The following CSMD2 variants were observed in gnomAD, a reference collection of about 807,000 sequenced individuals.
CSMD2 encodes CUB and Sushi multiple domains 2, also known as CUB and sushi domain-containing protein 2.
Under a neutral mutation model 398.5 loss-of-function variants are expected in CSMD2, and 130 were observed. The ratio of observed to expected loss-of-function variants is 0.33; its 90% CI spans 0.28 to 0.38. The LOEUF is 0.38. Among genes scored for constraint, CSMD2 ranks in the 10% least tolerant of loss-of-function variants. The pLI is 1.00. For missense variants in CSMD2, 3,829 were observed against 4,764.9 expected, an observed-to-expected ratio of 0.80 and a Z score of 5.78; for synonymous variants, 1,828 against 1,908.5, an observed-to-expected ratio of 0.96 and a Z score of 1.10.
At chr1:33,523,278 AG>A in intron 67 of CSMD2, 28 bp downstream of exon 67, 1 of 1,036,396 alleles carries the variant, frequency 9.6e-7, no homozygotes, top group Non-Finnish European at 1.5e-6. Flanking sequence ...TCTGGGAGTC[AG>A]GGGAGGAGGT....
At chr1:33,692,624 C>A (rs1645278143) in intron 25 of CSMD2, among the ~76,000 whole-genome samples, 1 of 152,236 alleles carries the variant, frequency 6.6e-6, no homozygotes, top group Admixed American at 6.5e-5. Flanking sequence ...CAAAGTCCTG[C>A]AAACAGTACA....
intron 53 of CSMD2, among the ~76,000 whole-genome samples, chr1:33,560,505 C>T (rs1156833772): frequency 6.6e-6 from 1 of 152,214 alleles, no homozygotes; most frequent in South Asian, 2.1e-4. Context: ...AAGCAAGTTC[C>T]TGCCTCAGGG....
chr1:33,734,847 C>CT (rs1187093281), intron 15 of CSMD2, among the ~76,000 whole-genome samples: 1 of 151,616 alleles, frequency 6.6e-6, no homozygotes, highest in African/African-American at 2.4e-5. Flanking sequence ...GATAATTTAT[C>CT]TTTTTTTGTG....
At chr1:33,657,774 G>A (rs572300406) in intron 27 of CSMD2, among the ~76,000 whole-genome samples, 172 bp downstream of exon 27, 5 of 152,338 alleles carry the variant, frequency 3.3e-5, no homozygotes, top group Admixed American at 2.0e-4. Flanking sequence ...GTGAGTGAGT[G>A]CGTGTGGGGA....
intron 1 of CSMD2, among the ~76,000 whole-genome samples, chr1:34,157,824 T>C (rs757184685): frequency 2.5e-4 from 38 of 152,144 alleles, no homozygotes; most frequent in Admixed American, 1.3e-3. Context: ...AGGCTGTTTC[T>C]CCAATCCCAC....
chr1:33,932,592 T>C (rs2125320262), intron 4 of CSMD2, among the ~76,000 whole-genome samples: 1 of 152,256 alleles, frequency 6.6e-6, no homozygotes. Flanking sequence ...GGCCAGCCCT[T>C]GCTGCCCGCT....
At chr1:34,092,823 G>T (rs1246800646) in intron 1 of CSMD2, among the ~76,000 whole-genome samples, 2 of 152,336 alleles carry the variant, frequency 1.3e-5, no homozygotes, top group African/African-American at 4.8e-5. Flanking sequence ...CAGCAGCGAG[G>T]CTGGGGGAGG....
intron 3 of CSMD2, among the ~76,000 whole-genome samples, chr1:33,940,716 C>T (rs1644640674): frequency 1.3e-5 from 2 of 152,166 alleles, no homozygotes; most frequent in Non-Finnish European, 2.9e-5. Context: ...CATCCAAGCA[C>T]ATAGTGGGTG....
intron 6 of CSMD2, among the ~76,000 whole-genome samples, chr1:33,832,104 G>A (rs1454298035): frequency 8.6e-5 from 11 of 128,130 alleles, no homozygotes; most frequent in Admixed American, 4.1e-4. Flanking sequence ...ACAGATCAAC[G>A]AGACAGAAAG....
intron 1 of CSMD2, among the ~76,000 whole-genome samples, chr1:34,093,271 C>T (rs1459605275): frequency 6.6e-6 from 1 of 152,180 alleles, no homozygotes; most frequent in Non-Finnish European, 1.5e-5. Flanking sequence ...TCGCCATCAT[C>T]AAAGACCAAA....
At chr1:33,888,569 A>G (rs1641753870) in intron 5 of CSMD2, among the ~76,000 whole-genome samples, 1 of 152,238 alleles carries the variant, frequency 6.6e-6, no homozygotes, top group African/African-American at 2.4e-5. Flanking sequence ...AGCTAGATCT[A>G]TAGCTCAAAC....
At chr1:33,916,391 A>G (rs190281924) in intron 5 of CSMD2, among the ~76,000 whole-genome samples, 16 of 152,340 alleles carry the variant, frequency 1.1e-4, no homozygotes, top group Admixed American at 8.5e-4. Context: ...CAGGTATTTT[A>G]CAAAAGAGGC....
chr1:33,605,036 G>A (rs77705294), intron 42 of CSMD2, among the ~76,000 whole-genome samples: 81 of 152,278 alleles, frequency 5.3e-4, no homozygotes, highest in Admixed American at 1.9e-3. Flanking sequence ...GGCTGGGTGT[G>A]TCTTCCTCTT....
chr1:33,973,143 A>C (rs1275843284), intron 3 of CSMD2, among the ~76,000 whole-genome samples: 1 of 152,202 alleles, frequency 6.6e-6, no homozygotes, highest in Admixed American at 6.5e-5. Context: ...TGGCCGTGCC[A>C]GAATCCAGCC....
At chr1:33,969,967 G>A (rs1471273575) in intron 3 of CSMD2, among the ~76,000 whole-genome samples, 5 of 152,036 alleles carry the variant, frequency 3.3e-5, no homozygotes, top group Non-Finnish European at 4.4e-5. Context: ...TCAACCGGGC[G>A]TGGTGGTGCA....
At chr1:33,828,249 G>C (rs1186688428) in intron 6 of CSMD2, among the ~76,000 whole-genome samples, 1 of 152,220 alleles carries the variant, frequency 6.6e-6, no homozygotes, top group African/African-American at 2.4e-5. Flanking sequence ...CATTAGTAGG[G>C]AAACATACAT....
At chr1:33,517,151 T>A (rs1653839203) in intron 70 of CSMD2, among the ~76,000 whole-genome samples, 3 of 151,782 alleles carry the variant, frequency 2.0e-5, no homozygotes, top group Non-Finnish European at 4.4e-5. Flanking sequence ...TGGCATTATT[T>A]AAAAAAAAAT....
chr1:34,124,644 C>T (rs1571196733), intron 1 of CSMD2, among the ~76,000 whole-genome samples: 1 of 152,150 alleles, frequency 6.6e-6, no homozygotes, highest in East Asian at 1.9e-4. Flanking sequence ...TCTGTGCTCC[C>T]CCAGTGGATC....
chr1:33,526,120 T>G (rs1654751953), intron 65 of CSMD2, among the ~76,000 whole-genome samples: 1 of 152,212 alleles, frequency 6.6e-6, no homozygotes, highest in South Asian at 2.1e-4. Context: ...TATAAATATG[T>G]TTATTATTTG....
Sources: allele counts gnomAD v4.1 joint callset (sites outside exome capture counted in the v4.1 genomes callset), GRCh38; gene constraint gnomAD v4.1.1; transcripts MANE v1.5; gene names NCBI Gene and HGNC (gene_info 2026-07-23, HGNC 2026-07-21).